Variants in TAS2R1 observed in about 807,000 individuals in gnomAD.
TAS2R1 encodes the protein taste 2 receptor member 1, also known as taste receptor type 2 member 1.
For synonymous variants in TAS2R1, 141 were observed against 134.2 expected (o/e 1.05, Z -0.35); for missense variants, 370 against 353.4 (o/e 1.05, Z -0.38).
the TAS2R1 span, among the ~76,000 whole-genome samples, chr5:9,903,324 G>C: frequency 1.3e-5 from 2 of 151,980 alleles, no homozygotes; most frequent in African/African-American, 2.4e-5. Flanking sequence ...TTTCATCCAT[G>C]TTGTCCTTTA....
chr5:9,900,677 G>C, the TAS2R1 span, among the ~76,000 whole-genome samples: 2 of 145,994 alleles, frequency 1.4e-5, no homozygotes, highest in Admixed American at 1.4e-4. Flanking sequence ...CTGGAGTGCA[G>C]TGGCGTGATC....
the TAS2R1 span, among the ~76,000 whole-genome samples, chr5:9,866,283 T>C: frequency 6.6e-6 from 1 of 152,222 alleles, no homozygotes; most frequent in Non-Finnish European, 1.5e-5. Flanking sequence ...CATCTTGTAA[T>C]TGTATTTCTT....
chr5:9,698,861 T>C (rs941142114), intron 1 of TAS2R1, among the ~76,000 whole-genome samples: 2 of 152,204 alleles, frequency 1.3e-5, no homozygotes, highest in African/African-American at 2.4e-5. Flanking sequence ...AATAATTTTG[T>C]CCATGCTGTT....
chr5:9,718,410 AAC>A, the TAS2R1 span, among the ~76,000 whole-genome samples: 1 of 152,334 alleles, frequency 6.6e-6, no homozygotes, highest in Non-Finnish European at 1.5e-5. Context: ...AAAATGGGCA[AAC>A]ACATGAAAAA....
At chr5:9,670,657 C>T (rs532221851) in intron 1 of TAS2R1, among the ~76,000 whole-genome samples, 35 of 152,176 alleles carry the variant, frequency 2.3e-4, no homozygotes, top group African/African-American at 7.7e-4. Flanking sequence ...AAAAAGCCTG[C>T]CAACCAGAAA....
the TAS2R1 span, among the ~76,000 whole-genome samples, chr5:9,795,943 A>G: frequency 1.3e-5 from 2 of 152,158 alleles, no homozygotes; most frequent in African/African-American, 4.8e-5. Flanking sequence ...ACCACCCCAG[A>G]CATTTCCCAG....
At chr5:9,651,634 A>G (rs1313426886) in intron 2 of TAS2R1, among the ~76,000 whole-genome samples, 1 of 152,210 alleles carries the variant, frequency 6.6e-6, no homozygotes, top group Non-Finnish European at 1.5e-5. Context: ...TTATAAACAT[A>G]TGTATGATAT....
the TAS2R1 span, among the ~76,000 whole-genome samples, chr5:9,891,521 G>C: frequency 6.6e-6 from 1 of 152,138 alleles, no homozygotes; most frequent in East Asian, 1.9e-4. Context: ...CCCATGCACA[G>C]AGTATGGGTT....
chr5:9,734,507 G>GTT, the TAS2R1 span, among the ~76,000 whole-genome samples: 114 of 151,918 alleles, frequency 7.5e-4, 1 homozygote, highest in East Asian at 4.3e-3. Context: ...TGTACAAGAG[G>GTT]TTTTTTTGCC....
At chr5:9,804,029 G>A in the TAS2R1 span, among the ~76,000 whole-genome samples, 2 of 152,016 alleles carry the variant, frequency 1.3e-5, no homozygotes, top group Admixed American at 6.6e-5. Flanking sequence ...ATAAACTTAA[G>A]GTAAAGGGGA....
At chr5:9,880,813 C>G in the TAS2R1 span, among the ~76,000 whole-genome samples, 1 of 152,120 alleles carries the variant, frequency 6.6e-6, no homozygotes, top group African/African-American at 2.4e-5. Flanking sequence ...CAAAGTAAGG[C>G]AGAATTGTAG....
At chr5:9,682,334 C>T (rs1320616500) in intron 1 of TAS2R1, among the ~76,000 whole-genome samples, 1 of 152,176 alleles carries the variant, frequency 6.6e-6, no homozygotes, top group East Asian at 1.9e-4. Context: ...ATTAGGCAGA[C>T]AAAAAGCTTA....
chr5:9,810,432 A>T, the TAS2R1 span, among the ~76,000 whole-genome samples: 1 of 152,206 alleles, frequency 6.6e-6, no homozygotes, highest in Non-Finnish European at 1.5e-5. Context: ...GACAGATTAA[A>T]GATAAATTCT....
chr5:9,628,128 TTATCTATCTA>T lies in TAS2R1; in HGVS notation c.*995_*1004del, dbSNP rs1186492383. Among the ~76,000 whole-genome samples the T allele has an allele frequency of 6.8e-6, 1 of 146,484 alleles. No homozygotes were observed. The highest frequency in any genetic ancestry group is 2.0e-4 in the East Asian group (1 of 4,934). ...ATACAAGTATATCTATCTCCATAAT[TTATCTATCTA>T]TCTATCTATCTATCTATCTATCTAT... is the stretch of plus-strand genomic sequence containing the variant. On this transcript the variant is annotated 3_prime_UTR_variant, in exon 1 of 1. Coordinates refer to ENST00000382492, the MANE Select transcript of TAS2R1 (RefSeq NM_019599.3).
the TAS2R1 span, among the ~76,000 whole-genome samples, chr5:9,767,589 C>A: frequency 6.6e-6 from 1 of 152,134 alleles, no homozygotes; most frequent in Non-Finnish European, 1.5e-5. Flanking sequence ...GCCTCCTGAC[C>A]CGTAACCACA....
the TAS2R1 span, among the ~76,000 whole-genome samples, chr5:9,724,332 A>C: frequency 6.9e-6 from 1 of 144,438 alleles, no homozygotes; most frequent in Non-Finnish European, 1.5e-5. Context: ...TGCCTCTCTT[A>C]GATGTTTCTT....
the TAS2R1 span, among the ~76,000 whole-genome samples, chr5:9,817,198 T>C: frequency 1.3e-5 from 2 of 152,206 alleles, no homozygotes; most frequent in African/African-American, 4.8e-5. Flanking sequence ...GCACGAGGTT[T>C]AATATCTGTA....
the TAS2R1 span, among the ~76,000 whole-genome samples, chr5:9,787,776 G>C: frequency 6.6e-6 from 1 of 152,232 alleles, no homozygotes; most frequent in Non-Finnish European, 1.5e-5. Context: ...GAGGACCCCA[G>C]AGAGTGTCTG....
the TAS2R1 span, among the ~76,000 whole-genome samples, chr5:9,791,191 C>A: frequency 1.3e-5 from 2 of 149,498 alleles, no homozygotes; most frequent in African/African-American, 5.1e-5. Flanking sequence ...GTGGAGTGAA[C>A]ACACACACAC....
Sources: allele counts gnomAD v4.1 joint callset (sites outside exome capture counted in the v4.1 genomes callset), GRCh38; gene constraint gnomAD v4.1.1; transcripts MANE v1.5; gene names NCBI Gene and HGNC (gene_info 2026-07-23, HGNC 2026-07-21).